The following SLC15A5 variants were observed in gnomAD, a reference collection of about 807,000 sequenced individuals.
The protein encoded by SLC15A5 is Peptide/histidine transporter ENSP00000340402.
A neutral mutation model predicts 56.1 loss-of-function variants in SLC15A5; 58 were observed. The ratio of observed to expected loss-of-function variants is 1.03; its 90% CI spans 0.84 to 1.29. The LOEUF (loss-of-function observed/expected upper bound fraction) is 1.29. Ranked by LOEUF, SLC15A5 falls within the 50% of genes most tolerant of loss-of-function variation. SLC15A5 has a pLI of 0.00. For missense variants in SLC15A5, 681 were observed against 672.1 expected, an observed-to-expected ratio of 1.01 and a Z score of -0.15; for synonymous variants, 264 against 250.5, an observed-to-expected ratio of 1.05 and a Z score of -0.51.
chr12:16,245,340 G>A (rs561978323), intron 3 of SLC15A5, among the ~76,000 whole-genome samples: 22 of 152,248 alleles, frequency 1.4e-4, no homozygotes, highest in African/African-American at 5.1e-4. Context: ...CTCTCTAAAT[G>A]ATTTTATGCA....
At chr12:16,227,656 C>T (rs760971837) in intron 5 of SLC15A5, among the ~76,000 whole-genome samples, 6 of 152,116 alleles carry the variant, frequency 3.9e-5, no homozygotes, top group African/African-American at 7.2e-5. Flanking sequence ...TCAAGGTAGA[C>T]GATAGATTGG....
chr12:16,265,941 A>G (rs1229831248), intron 2 of SLC15A5, among the ~76,000 whole-genome samples: 2 of 152,220 alleles, frequency 1.3e-5, no homozygotes, highest in Non-Finnish European at 2.9e-5. Flanking sequence ...TTCAAAATAA[A>G]TGGAGATTAA....
intron 7 of SLC15A5, among the ~76,000 whole-genome samples, chr12:16,204,531 C>G (rs1009947975): frequency 1.3e-5 from 2 of 150,368 alleles, no homozygotes; most frequent in Middle Eastern, 7.0e-3. Context: ...AAAAGATAAC[C>G]AAAAAGATAA....
chr12:16,258,989 TC>T (rs1864609120), intron 2 of SLC15A5, among the ~76,000 whole-genome samples: 2 of 101,900 alleles, frequency 2.0e-5, no homozygotes, highest in Non-Finnish European at 2.1e-5. Context: ...ATCTTCTTTT[TC>T]TTTTTTTTTT....
chr12:16,231,799 C>T (rs1040515312), intron 5 of SLC15A5, among the ~76,000 whole-genome samples: 4 of 152,218 alleles, frequency 2.6e-5, no homozygotes, highest in African/African-American at 9.6e-5. Context: ...GAGACATCCT[C>T]CATTCCTATC....
intron 4 of SLC15A5, among the ~76,000 whole-genome samples, chr12:16,240,550 G>A (rs750351847): frequency 1.3e-5 from 2 of 152,060 alleles, no homozygotes; most frequent in Non-Finnish European, 2.9e-5. Context: ...GCATGATAAA[G>A]TGAAAGATAC....
chr12:16,189,930 C>T (rs1204751856), intron 8 of SLC15A5, 115 bp from the exon 9 acceptor site: 36 of 737,324 alleles, frequency 4.9e-5, no homozygotes, highest in Non-Finnish European at 6.8e-5. Flanking sequence ...GATACTGGCA[C>T]AACAGTGACG....
intron 3 of SLC15A5, 141 bp downstream of exon 3, chr12:16,257,560 C>A: frequency 1.7e-6 from 1 of 574,616 alleles, no homozygotes; most frequent in Non-Finnish European, 2.6e-6. Flanking sequence ...TTCTTGCAGA[C>A]CATTGCTTTA....
intron 3 of SLC15A5, among the ~76,000 whole-genome samples, chr12:16,255,629 A>T (rs1427397721): frequency 1.3e-5 from 2 of 152,188 alleles, no homozygotes; most frequent in Non-Finnish European, 2.9e-5. Context: ...AAAAAAGAAA[A>T]GCAAAGAGAA....
chr12:16,273,955 A>G (rs1369547555), intron 1 of SLC15A5, among the ~76,000 whole-genome samples: 1 of 149,306 alleles, frequency 6.7e-6, no homozygotes, highest in Non-Finnish European at 1.5e-5. Context: ...TTTTACTTAT[A>G]TATAAATATA....
Position 16,219,336 on chromosome 12 carries a change from GA to G in SLC15A5, c.1352-2313del, listed in dbSNP as rs553197134. Among the ~76,000 whole-genome samples the G allele has an allele frequency of 7.9e-5, 12 of 152,228 alleles. No individual in the cohort carries two copies. In the East Asian group the frequency reaches 2.1e-3, roughly 27 times the overall value. ...AGTATTTTCAGAAAGGTCCAAATGG[GA>G]ATATGAGAGGAAGCCTGAATAGGCT... On this transcript the variant is annotated intron_variant, in intron 6 of 8. Transcript: ENST00000344941.
intron 7 of SLC15A5, among the ~76,000 whole-genome samples, chr12:16,208,175 C>T (rs1864040036): frequency 6.6e-6 from 1 of 152,170 alleles, no homozygotes; most frequent in African/African-American, 2.4e-5. Context: ...TGCCTATCTT[C>T]TCCTTTCTCT....
At chr12:16,248,956 TAA>T (rs1864491424) in intron 3 of SLC15A5, among the ~76,000 whole-genome samples, 1 of 152,130 alleles carries the variant, frequency 6.6e-6, no homozygotes. Flanking sequence ...TTGCAAAACT[TAA>T]AGATTGTAGT....
At chr12:16,209,496 A>C (rs1565658747) in intron 7 of SLC15A5, among the ~76,000 whole-genome samples, 1 of 152,036 alleles carries the variant, frequency 6.6e-6, no homozygotes, top group Non-Finnish European at 1.5e-5. Flanking sequence ...TCTAACAAAG[A>C]CCTTTTTTTC....
chr12:16,225,256 T>C (rs1451092211), intron 5 of SLC15A5, among the ~76,000 whole-genome samples: 1 of 152,148 alleles, frequency 6.6e-6, no homozygotes, highest in Non-Finnish European at 1.5e-5. Context: ...AATGGGATGG[T>C]TGGGTCAAAT....
intron 3 of SLC15A5, among the ~76,000 whole-genome samples, chr12:16,255,596 A>G (rs1422053349): frequency 2.0e-5 from 3 of 152,152 alleles, no homozygotes; most frequent in Non-Finnish European, 4.4e-5. Flanking sequence ...ACTTCTAGGA[A>G]TCTATCCTAA....
At chr12:16,253,728 A>G (rs1349728925) in intron 3 of SLC15A5, among the ~76,000 whole-genome samples, 1 of 152,048 alleles carries the variant, frequency 6.6e-6, no homozygotes, top group Admixed American at 6.6e-5. Context: ...AGAAGATGTC[A>G]CTTCATAGCC....
At position 16,237,777 on chromosome 12, in the gene SLC15A5, T is replaced by A. The variant is rs1250530240; in HGVS notation, c.1162+1904A>T. On this transcript the variant is annotated intron_variant, in intron 5 of 8. Coordinates refer to ENST00000344941, the MANE Select transcript of SLC15A5 (RefSeq NM_001170798.1). The surrounding 1 kb of genome is among the most constrained non-coding windows in gnomAD (Gnocchi z 4.1). The stretch of plus-strand genomic sequence containing the variant: ...TGATTTGGAAGCTCAGATTGGGGTG[T>A]TTCATGACACTGTACAAAACTGCTG... Among the ~76,000 whole-genome samples, 1 of 152,128 alleles carries A rather than the reference T, an allele frequency of 6.6e-6. No homozygotes were observed. The highest frequency in any genetic ancestry group is 1.5e-5 in the Non-Finnish European group (1 of 67,988).
At chr12:16,263,757 C>T (rs1864665778) in intron 2 of SLC15A5, among the ~76,000 whole-genome samples, 1 of 152,112 alleles carries the variant, frequency 6.6e-6, no homozygotes, top group Admixed American at 6.6e-5. Flanking sequence ...CTAAAAGGGG[C>T]CAAGGTACAG....
Sources: allele counts gnomAD v4.1 joint callset (sites outside exome capture counted in the v4.1 genomes callset), GRCh38; gene constraint gnomAD v4.1.1; non-coding constraint Gnocchi (gnomAD v3.1); transcripts MANE v1.5; gene names NCBI Gene and HGNC (gene_info 2026-07-23, HGNC 2026-07-21).